Variants in USH2A observed in about 807,000 individuals in gnomAD.
USH2A encodes usherin, also known as Usher syndrome 2A (autosomal recessive, mild).
A neutral mutation model predicts 538.9 loss-of-function variants in USH2A; 443 were observed. The ratio of observed to expected loss-of-function variants is 0.82; its 90% CI spans 0.76 to 0.89. The LOEUF (loss-of-function observed/expected upper bound fraction) is 0.89, where lower values mean the gene tolerates loss of function less well. Ranked by LOEUF, USH2A falls within the 40% of genes least tolerant of loss-of-function variation. USH2A has a pLI of 0.00. For missense variants in USH2A, 6,633 were observed against 6,324.8 expected, an observed-to-expected ratio of 1.05 and a Z score of -1.65; for synonymous variants, 2,413 against 2,273.5, an observed-to-expected ratio of 1.06 and a Z score of -1.75.
chr1:215,965,638 C>T (rs1319382535), intron 36 of USH2A, among the ~76,000 whole-genome samples, 159 bp from the exon 37 acceptor site: 1 of 152,074 alleles, frequency 6.6e-6, no homozygotes, highest in African/African-American at 2.4e-5. Flanking sequence ...GATCAAAGCA[C>T]ACCTCATGTT....
rs1208833431 is a variant in USH2A, at chr1:216,147,777, C to T, written c.4627+27475G>A. On this transcript the variant is annotated intron_variant, in intron 21 of 71. Transcript: ENST00000307340. ...GAACTTCCAAACGCCTGAACCGCAG[C>T]GGCCAGGCATTCCTCCAGAACCTCC... Among the ~76,000 whole-genome samples, 17 of 151,150 alleles carry T rather than the reference C, an allele frequency of 1.1e-4. No individual in the cohort carries two copies. In the East Asian group the frequency reaches 1.2e-3, roughly 11 times the overall value.
chr1:215,916,194 A>G (rs1338919840), intron 38 of USH2A, among the ~76,000 whole-genome samples: 1 of 152,058 alleles, frequency 6.6e-6, no homozygotes, highest in Non-Finnish European at 1.5e-5. Context: ...TAATAATAAT[A>G]AAATAAAAAA....
At chr1:216,022,287 A>T (rs1668861215) in intron 32 of USH2A, among the ~76,000 whole-genome samples, 1 of 152,110 alleles carries the variant, frequency 6.6e-6, no homozygotes, top group Non-Finnish European at 1.5e-5. Flanking sequence ...AGAACTGGGG[A>T]GTGGCATTCT....
At chr1:215,759,614 T>C in intron 57 of USH2A, 46 bp downstream of exon 57, 2 of 1,610,082 alleles carry the variant, frequency 1.2e-6, no homozygotes, top group Non-Finnish European at 1.7e-6. Context: ...CCCAGAGAAA[T>C]GTACAAATCC....
chr1:215,978,683 G>T (rs1206527817), intron 35 of USH2A, among the ~76,000 whole-genome samples: 3 of 152,136 alleles, frequency 2.0e-5, no homozygotes, highest in Non-Finnish European at 4.4e-5. Context: ...TAATTAAATA[G>T]TAGACAGTAG....
At chr1:216,110,425 A>C (rs1007012235) in intron 21 of USH2A, among the ~76,000 whole-genome samples, 2 of 152,232 alleles carry the variant, frequency 1.3e-5, no homozygotes, top group African/African-American at 4.8e-5. Flanking sequence ...AGAAATGAAA[A>C]CATCAGCCTA....
intron 33 of USH2A, among the ~76,000 whole-genome samples, chr1:215,999,687 G>A (rs1001520271): frequency 6.6e-6 from 1 of 152,164 alleles, no homozygotes; most frequent in African/African-American, 2.4e-5. Context: ...AAACACCTGA[G>A]TCGTGGGAAA....
Position 216,199,676 on chromosome 1 carries a change from G to T in USH2A, c.3762C>A (p.Ile1254=), listed in dbSNP as rs533691745. Residue 1254 remains isoleucine, a synonymous_variant, in exon 17 of 72, where the codon ATC becomes ATA. Transcript: ENST00000307340. The part of the protein sequence containing the change: ...QRLSPPKMQK[I]SSTELHVEWS... ...ATTCTACATGAAGTTCTGTAGAACT[G>T]ATTTTCTGCATCTTAGGTGGACTTA... 6.8e-6 allele frequency: 11 copies of T among 1,614,094 alleles called. No individual in the cohort carries two copies. In the Admixed American group the frequency reaches 1.3e-4, roughly 20 times the overall value.
At chr1:216,327,769 A>G in intron 4 of USH2A, 115 bp from the exon 5 acceptor site, 1 of 1,292,938 alleles carries the variant, frequency 7.7e-7, no homozygotes, top group Non-Finnish European at 1.1e-6. Context: ...TATTTATGTC[A>G]CTGCCCTTTG....
chr1:215,709,686 A>G (rs752972145), intron 61 of USH2A, among the ~76,000 whole-genome samples: 3 of 149,488 alleles, frequency 2.0e-5, no homozygotes, highest in Non-Finnish European at 4.4e-5. Flanking sequence ...TCCCTTGACT[A>G]ATTTCCCAGT....
At position 216,292,205 on chromosome 1, in the gene USH2A, C is replaced by T; in HGVS notation, c.1810G>A (p.Val604Ile). The change falls in exon 10 of 72, where the codon GTT becomes ATT. Residue 604 changes from valine (V) to isoleucine (I), a missense_variant. Physicochemically the swap from Val to Ile is conservative, Grantham distance 29 (BLOSUM62 3). Coordinates refer to ENST00000307340, the MANE Select transcript of USH2A (RefSeq NM_206933.4). Reference protein sequence around the residue: ...PFEHFRGGGGVCDDCEHNTTG... With the variant: ...PFEHFRGGGGICDDCEHNTTG... The stretch of plus-strand genomic sequence containing the variant: ...GTGTTATGCTCACAATCATCACAAA[C>T]TCCTCCTCCCCCTCTGAAGTGCTCA... The T allele has an allele frequency of 6.2e-7, 1 of 1,614,056 alleles. No individual in the cohort carries two copies. The highest frequency in any genetic ancestry group is 1.1e-5 in the South Asian group (1 of 91,078).
intron 32 of USH2A, among the ~76,000 whole-genome samples, chr1:216,030,358 TATATA>T (rs750771396): frequency 1.5e-5 from 2 of 133,096 alleles, no homozygotes; most frequent in East Asian, 2.1e-4. Context: ...ACATCACAGA[TATATA>T]ATATATATGA....
chr1:215,790,392 G>A, intron 50 of USH2A, 110 bp from the exon 51 acceptor site: 1 of 1,144,388 alleles, frequency 8.7e-7, no homozygotes, highest in Non-Finnish European at 1.3e-6. Flanking sequence ...TGCTGAAATG[G>A]TGCAATACCT....
chr1:216,267,040 A>G lies in USH2A; in HGVS notation c.1972-15942T>C, dbSNP rs539864032. ...TAATTGGTATTTGAAGTAAAATATC[A>G]CCAAGGGCGTGAGCGTAGATACAGG... On this transcript the variant is annotated intron_variant, in intron 11 of 71. Coordinates refer to ENST00000307340, the MANE Select transcript of USH2A (RefSeq NM_206933.4). Among the ~76,000 whole-genome samples, 4 of 152,152 alleles carry G rather than the reference A, an allele frequency of 2.6e-5. No individual in the cohort carries two copies. In the South Asian group the frequency reaches 8.3e-4, roughly 32 times the overall value.
chr1:216,331,917 A>G (rs760767924), intron 4 of USH2A, among the ~76,000 whole-genome samples: 1 of 152,172 alleles, frequency 6.6e-6, no homozygotes, highest in Non-Finnish European at 1.5e-5. Flanking sequence ...GGCAAAGAAT[A>G]TCACATCAAC....
intron 60 of USH2A, among the ~76,000 whole-genome samples, chr1:215,739,376 A>G (rs1219015732): frequency 6.6e-6 from 1 of 152,196 alleles, no homozygotes; most frequent in East Asian, 1.9e-4. Flanking sequence ...TTTCTGCATT[A>G]TATTTCCTGT....
At chr1:216,211,438 A>G (rs2035239073) in intron 15 of USH2A, among the ~76,000 whole-genome samples, 2 of 152,176 alleles carry the variant, frequency 1.3e-5, no homozygotes, top group South Asian at 2.1e-4. Context: ...TTGTTCAACT[A>G]TGTTGATGGT....
At chr1:216,392,797 GGTCT>G (rs746556021) in intron 3 of USH2A, among the ~76,000 whole-genome samples, 4 of 151,930 alleles carry the variant, frequency 2.6e-5, no homozygotes, top group Non-Finnish European at 5.9e-5. Flanking sequence ...GAATTGGTTG[GGTCT>G]GTCTTTTTTC....
chr1:216,264,451 C>T (rs1421822565), intron 11 of USH2A, among the ~76,000 whole-genome samples: 1 of 152,044 alleles, frequency 6.6e-6, no homozygotes, highest in African/African-American at 2.4e-5. Flanking sequence ...GTGCCCGCCA[C>T]CATGCTCTGC....
Sources: gnomAD v4.1 joint callset for allele counts (sites outside exome capture counted in the v4.1 genomes callset) on GRCh38, gnomAD v4.1.1 for gene constraint, MANE v1.5 for transcripts, NCBI Gene and HGNC (gene_info 2026-07-23, HGNC 2026-07-21) for gene names.